Variants in PDE4D observed in about 807,000 individuals in gnomAD.
The protein encoded by PDE4D is 3',5'-cyclic-AMP phosphodiesterase 4D.
Under a neutral mutation model 87.4 loss-of-function variants are expected in PDE4D, and 24 were observed. The ratio of observed to expected loss-of-function variants is 0.27; its 90% CI spans 0.20 to 0.39. The LOEUF (loss-of-function observed/expected upper bound fraction) is 0.39, where lower values mean the gene tolerates loss of function less well. Ranked by LOEUF, PDE4D falls within the 10% of genes least tolerant of loss-of-function variation. The probability of loss-of-function intolerance (pLI) is 1.00; values close to 1 mark genes in which losing one functional copy is unlikely to be tolerated. For missense variants in PDE4D, 714 were observed against 1,041.0 expected, an observed-to-expected ratio of 0.69 and a Z score of 4.32; for synonymous variants, 384 against 383.2, an observed-to-expected ratio of 1.00 and a Z score of -0.02.
At chr5:59,816,498 G>A (rs1479761201) in intron 1 of PDE4D, among the ~76,000 whole-genome samples, 1 of 152,110 alleles carries the variant, frequency 6.6e-6, no homozygotes, top group Non-Finnish European at 1.5e-5. Context: ...TTATCCAGAA[G>A]ATAAAATAAG....
At chr5:59,968,253 G>C (rs886596505) in intron 3 of PDE4D, among the ~76,000 whole-genome samples, 3 of 70,040 alleles carry the variant, frequency 4.3e-5, no homozygotes, top group Admixed American at 1.6e-4. Context: ...CAAAGTGCTG[G>C]GATTACAGGT....
At chr5:59,895,652 C>A (rs893601227), upstream of PDE4D, among the ~76,000 whole-genome samples, 1 of 152,214 alleles carries the variant, frequency 6.6e-6, no homozygotes, top group African/African-American at 2.4e-5. Flanking sequence ...TAATTCATTG[C>A]ATTATTAACA....
chr5:60,361,813 C>T (rs1760100260), intron 1 of PDE4D, among the ~76,000 whole-genome samples: 1 of 152,128 alleles, frequency 6.6e-6, no homozygotes, highest in African/African-American at 2.4e-5. Context: ...ACAGCATGAG[C>T]AAGAAATAAA....
intron 3 of PDE4D, among the ~76,000 whole-genome samples, chr5:59,982,967 A>G (rs1762077680): frequency 6.6e-6 from 1 of 152,266 alleles, no homozygotes; most frequent in South Asian, 2.1e-4. Flanking sequence ...GGGGATAGGT[A>G]GTATACCATT....
intron 3 of PDE4D, among the ~76,000 whole-genome samples, chr5:59,916,525 A>G (rs1182682587): frequency 1.3e-5 from 2 of 152,186 alleles, no homozygotes; most frequent in African/African-American, 4.8e-5. Flanking sequence ...GGGAAATAAG[A>G]GTGTTCCCAG....
At chr5:58,995,757 C>T (rs1749067576) in intron 6 of PDE4D, among the ~76,000 whole-genome samples, 1 of 152,190 alleles carries the variant, frequency 6.6e-6, no homozygotes, top group Non-Finnish European at 1.5e-5. Flanking sequence ...GCTAGCTCCT[C>T]TTTCTCAAAT....
chr5:60,423,760 T>A (rs924731255), intron 1 of PDE4D, among the ~76,000 whole-genome samples: 1 of 152,160 alleles, frequency 6.6e-6, no homozygotes, highest in East Asian at 1.9e-4. Flanking sequence ...ATCCAGAAGT[T>A]GGTTTTTTGA....
chr5:60,106,719 C>G (rs1389857322), intron 2 of PDE4D, among the ~76,000 whole-genome samples: 2 of 152,142 alleles, frequency 1.3e-5, no homozygotes, highest in Non-Finnish European at 2.9e-5. Context: ...CAAAACCACT[C>G]AACTACATGG....
At chr5:59,493,396 A>G (rs1806587902) in intron 1 of PDE4D, among the ~76,000 whole-genome samples, 1 of 152,250 alleles carries the variant, frequency 6.6e-6, no homozygotes, top group African/African-American at 2.4e-5. Flanking sequence ...GTCATTTTAA[A>G]AAAGCATGTT....
intron 2 of PDE4D, among the ~76,000 whole-genome samples, chr5:59,200,006 CATACATACATGCACAT>C (rs1228033386): frequency 3.9e-4 from 51 of 130,424 alleles, no homozygotes; most frequent in Admixed American, 1.5e-3. Flanking sequence ...ATGCATGCAA[CATACATACATGCACAT>C]ATACATACAT....
chr5:60,021,777 A>G (rs376566250), intron 2 of PDE4D: 2 of 152,354 alleles, frequency 1.3e-5, no homozygotes, highest in African/African-American at 4.8e-5. Context: ...AGAAAGCAGG[A>G]GCAGACCCTG....
chr5:60,245,331 G>A (rs551349566), intron 1 of PDE4D, among the ~76,000 whole-genome samples: 2 of 152,056 alleles, frequency 1.3e-5, no homozygotes, highest in South Asian at 4.1e-4. Flanking sequence ...TATGCTGTTG[G>A]TGGGAATGTA....
chr5:60,193,908 C>T (rs887371535), intron 1 of PDE4D, among the ~76,000 whole-genome samples: 1 of 151,292 alleles, frequency 6.6e-6, no homozygotes, highest in Non-Finnish European at 1.5e-5. Flanking sequence ...CCCTTACCTC[C>T]TTTCCCGCTG....
intron 6 of PDE4D, among the ~76,000 whole-genome samples, chr5:58,998,121 T>TAA (rs1749650505): frequency 6.6e-6 from 1 of 152,114 alleles, no homozygotes; most frequent in South Asian, 2.1e-4. Flanking sequence ...ATTGATGGTA[T>TAA]AAAAATAAAA....
At chr5:59,167,300 C>T (rs760957359) in intron 5 of PDE4D, among the ~76,000 whole-genome samples, 2 of 152,128 alleles carry the variant, frequency 1.3e-5, no homozygotes, top group Non-Finnish European at 2.9e-5. Context: ...AAAAACAAAA[C>T]CTACCAATGT....
intron 1 of PDE4D, among the ~76,000 whole-genome samples, chr5:59,685,653 TTC>T (rs1342948134): frequency 1.3e-5 from 2 of 152,184 alleles, no homozygotes; most frequent in Non-Finnish European, 2.9e-5. Flanking sequence ...CTACTCTGCC[TTC>T]TATTGACAGA....
chr5:59,865,209 G>T (rs1321430036), intron 1 of PDE4D, among the ~76,000 whole-genome samples: 1 of 152,148 alleles, frequency 6.6e-6, no homozygotes, highest in African/African-American at 2.4e-5. Flanking sequence ...GCAATTTGGT[G>T]CAAAACAATG....
chr5:59,207,700 C>A (rs1335276941), intron 2 of PDE4D, among the ~76,000 whole-genome samples: 2 of 151,058 alleles, frequency 1.3e-5, no homozygotes, highest in African/African-American at 4.9e-5. Context: ...CTTCTCCCTG[C>A]ATTTTTTTTT....
intron 1 of PDE4D, among the ~76,000 whole-genome samples, chr5:60,397,008 C>T (rs946774287): frequency 2.6e-5 from 4 of 152,182 alleles, no homozygotes; most frequent in Non-Finnish European, 1.5e-5. Flanking sequence ...TGGTCCAATG[C>T]AAATTTTTAG....
Sources: allele counts gnomAD v4.1 joint callset (sites outside exome capture counted in the v4.1 genomes callset), GRCh38; gene constraint gnomAD v4.1.1; transcripts MANE v1.5; gene names NCBI Gene and HGNC (gene_info 2026-07-23, HGNC 2026-07-21).